The following DCDC2C variants were observed in gnomAD, a reference collection of about 807,000 sequenced individuals.
DCDC2C encodes doublecortin domain-containing protein 2C.
In DCDC2C, 44 loss-of-function variants were observed where a neutral mutation model predicts 45.0. The ratio of observed to expected loss-of-function variants is 0.98; its 90% CI spans 0.77 to 1.26. The LOEUF (loss-of-function observed/expected upper bound fraction) is 1.26. Ranked by LOEUF, DCDC2C falls within the 50% of genes most tolerant of loss-of-function variation. DCDC2C has a pLI of 0.00. For synonymous variants in DCDC2C, 187 were observed against 178.8 expected (o/e 1.05, Z -0.37); for missense variants, 447 against 468.9 (o/e 0.95, Z 0.43).
At position 3,742,306 on chromosome 2, in the gene DCDC2C, G is replaced by A. The variant is rs1669240540; in HGVS notation, c.545+258G>A. Among the ~76,000 whole-genome samples, 3 of 152,196 alleles carry A rather than the reference G, an allele frequency of 2.0e-5. No homozygotes were observed. The South Asian group carries it at 6.2e-4, about 32-fold the overall frequency. On this transcript the variant is annotated intron_variant, in intron 4 of 10. Transcript: ENST00000399143. ...GGAGAATACAGCATTGCAAAAAAGA[G>A]TCTTGCTCCCTGAAACCCCTATTGA... is the stretch of plus-strand genomic sequence containing the variant.
intron 3 of DCDC2C, among the ~76,000 whole-genome samples, chr2:3,729,412 T>C (rs528241971): frequency 6.6e-6 from 1 of 152,358 alleles, no homozygotes; most frequent in East Asian, 1.9e-4. Context: ...ACAGATTTTA[T>C]TTAGTAACTA....
intron 4 of DCDC2C, among the ~76,000 whole-genome samples, chr2:3,747,645 C>T (rs577678645): frequency 3.3e-5 from 5 of 152,366 alleles, no homozygotes; most frequent in South Asian, 4.1e-4. Context: ...GGCCTGACCT[C>T]GCCCATCTCG....
intron 2 of DCDC2C, among the ~76,000 whole-genome samples, chr2:3,723,457 T>C (rs1294584052): frequency 6.6e-6 from 1 of 152,130 alleles, no homozygotes. Flanking sequence ...TGTGTAGGAA[T>C]GGGCTGATGT....
intron 9 of DCDC2C, among the ~76,000 whole-genome samples, chr2:3,784,743 T>C (rs1572615398): frequency 6.6e-6 from 1 of 152,072 alleles, no homozygotes; most frequent in African/African-American, 2.4e-5. Context: ...CAAGATGTTA[T>C]ATTAAGTGAA....
At chr2:3,776,058 A>C (rs1670322869) in intron 8 of DCDC2C, among the ~76,000 whole-genome samples, 2 of 152,154 alleles carry the variant, frequency 1.3e-5, no homozygotes, top group African/African-American at 4.8e-5. Flanking sequence ...TTCATCATAG[A>C]AGGAGAGGTC....
chr2:3,842,300 T>C (rs2148247489), intron 10 of DCDC2C, among the ~76,000 whole-genome samples: 1 of 152,212 alleles, frequency 6.6e-6, no homozygotes, highest in Non-Finnish European at 1.5e-5. Flanking sequence ...CCTGGAAATA[T>C]ACCACAGAGA....
chr2:3,763,855 A>G lies in DCDC2C; in HGVS notation c.727-3899A>G, dbSNP rs368842700. On this transcript the variant is annotated intron_variant, in intron 6 of 10. Transcript: ENST00000399143. ...GTAGAACTGTGCTCTTTAGTCATGT[A>G]TTTTCCAGCTGGATACCTTGTAGAC... is the stretch of plus-strand genomic sequence containing the variant. Among the ~76,000 whole-genome samples, 61 of 152,098 alleles carry G rather than the reference A, an allele frequency of 4.0e-4. No homozygotes were observed. The South Asian group carries it at 0.012, about 30-fold the overall frequency.
chr2:3,704,133 A>G (rs902541651), intron 1 of DCDC2C, 95 bp downstream of exon 1: 256 of 1,099,308 alleles, frequency 2.3e-4, no homozygotes, highest in Non-Finnish European at 2.9e-4. Context: ...TGTCCTCCCC[A>G]GGCTTCCCTC....
intron 10 of DCDC2C, among the ~76,000 whole-genome samples, chr2:3,835,591 A>T (rs1031224747): frequency 6.6e-6 from 1 of 152,180 alleles, no homozygotes; most frequent in Non-Finnish European, 1.5e-5. Flanking sequence ...TGAATATTTG[A>T]GTTTCTACTT....
At chr2:3,779,678 A>G (rs1670456674) in intron 9 of DCDC2C, among the ~76,000 whole-genome samples, 1 of 152,144 alleles carries the variant, frequency 6.6e-6, no homozygotes, top group South Asian at 2.1e-4. Flanking sequence ...GAGGCTGTGT[A>G]ATGAGCTCCC....
At position 3,703,815 on chromosome 2, in the gene DCDC2C, C is replaced by A. The variant is rs1195455826; in HGVS notation, c.64C>A (p.Arg22Ser). ...TTPAKTIVVY[R>S]NGDPFYVGKK... The stretch of plus-strand genomic sequence containing the variant: ...GCCCGCCAAGACCATCGTGGTGTAC[C>A]GCAACGGGGACCCGTTCTACGTGGG... Residue 22 changes from arginine to serine, a missense_variant, in exon 1 of 11, where the codon CGC (arginine) becomes AGC (serine). Coordinates refer to ENST00000399143, the MANE Select transcript of DCDC2C (RefSeq NM_001287444.2). This position sits in a 1 kb window ranked among gnomAD's most constrained non-coding sequence, Gnocchi z 4.4. 4 of 1,261,906 alleles carry A rather than the reference C, an allele frequency of 3.2e-6. No individual in the cohort carries two copies. The highest frequency in any genetic ancestry group is 2.7e-4 in the Middle Eastern group (1 of 3,736). 78.2% of individuals were successfully genotyped at this position (1,261,906 alleles called of 1,614,324 possible).
chr2:3,791,364 C>T (rs566110079), intron 10 of DCDC2C, among the ~76,000 whole-genome samples: 5 of 152,108 alleles, frequency 3.3e-5, no homozygotes, highest in East Asian at 1.9e-4. Context: ...ATTGCATTAG[C>T]GTTTTATAAG....
intron 9 of DCDC2C, among the ~76,000 whole-genome samples, chr2:3,782,564 C>A (rs566844631): frequency 6.6e-6 from 1 of 151,678 alleles, no homozygotes; most frequent in Non-Finnish European, 1.5e-5. Context: ...CTGCAAGCTC[C>A]GCCTCCTGGG....
At chr2:3,763,121 C>A (rs763607516) in intron 6 of DCDC2C, among the ~76,000 whole-genome samples, 1 of 152,180 alleles carries the variant, frequency 6.6e-6, no homozygotes, top group Admixed American at 6.5e-5. Context: ...GATGCCCAAC[C>A]GCTGCCAGTG....
intron 10 of DCDC2C, among the ~76,000 whole-genome samples, chr2:3,825,796 G>C (rs1671802490): frequency 6.6e-6 from 1 of 152,168 alleles, no homozygotes; most frequent in Admixed American, 6.5e-5. Flanking sequence ...AGCCAGGAGA[G>C]GTGGGTGGCC....
intron 10 of DCDC2C, among the ~76,000 whole-genome samples, chr2:3,794,491 A>C (rs921028616): frequency 2.6e-5 from 4 of 152,102 alleles, no homozygotes; most frequent in Non-Finnish European, 4.4e-5. Context: ...CATTAGGTAT[A>C]TCTCCCAATG....
chr2:3,754,723 C>G, intron 6 of DCDC2C, 89 bp downstream of exon 6: 2 of 1,193,148 alleles, frequency 1.7e-6, no homozygotes, highest in South Asian at 1.4e-5. Context: ...GGTGACGGCC[C>G]GAGCTGTAAA....
intron 1 of DCDC2C, among the ~76,000 whole-genome samples, chr2:3,707,333 C>T (rs1668090201): frequency 6.6e-6 from 1 of 152,042 alleles, no homozygotes; most frequent in Non-Finnish European, 1.5e-5. Context: ...TCAGATGTCT[C>T]ATTTGGGAGA....
At chr2:3,749,669 C>T (rs773418741) in intron 4 of DCDC2C, among the ~76,000 whole-genome samples, 8 of 152,170 alleles carry the variant, frequency 5.3e-5, no homozygotes, top group East Asian at 3.9e-4. Context: ...AGCGTGTGGG[C>T]GGCCAAGGTG....
Sources: allele counts gnomAD v4.1 joint callset (sites outside exome capture counted in the v4.1 genomes callset), GRCh38; gene constraint gnomAD v4.1.1; non-coding constraint Gnocchi (gnomAD v3.1); transcripts MANE v1.5; gene names NCBI Gene and HGNC (gene_info 2026-07-23, HGNC 2026-07-21).